The following MROH9 variants were observed in gnomAD, a reference collection of about 807,000 sequenced individuals.
The protein encoded by MROH9 is maestro heat-like repeat-containing protein family member 9.
MROH9 carries 92 observed loss-of-function variants against 98.2 expected under a neutral mutation model. The ratio of observed to expected loss-of-function variants is 0.94; its 90% CI spans 0.79 to 1.11. The LOEUF (loss-of-function observed/expected upper bound fraction) is 1.11, where lower values mean the gene tolerates loss of function less well. Among genes scored for constraint, MROH9 ranks in the 50% most tolerant of loss-of-function variants. MROH9 has a pLI of 0.00. For synonymous variants in MROH9, 397 were observed against 368.9 expected, an observed-to-expected ratio of 1.08 and a Z score of -0.87; for missense variants, 1,057 against 1,014.8, an observed-to-expected ratio of 1.04 and a Z score of -0.57.
chr1:170,942,371 A>G (rs1424593961), intron 1 of MROH9, among the ~76,000 whole-genome samples: 1 of 5,418 alleles, frequency 1.8e-4, no homozygotes, highest in African/African-American at 1.0e-3. Context: ...TAGAGTAGAC[A>G]CACACACACA....
chr1:171,055,247 A>G (rs949864129), intron 20 of MROH9, among the ~76,000 whole-genome samples: 7 of 152,230 alleles, frequency 4.6e-5, no homozygotes, highest in African/African-American at 1.4e-4. Flanking sequence ...TTCTAAGTGA[A>G]GTAACTCAAG....
At position 170,995,546 on chromosome 1, in the gene MROH9, G is replaced by A. The variant is rs899304997; in HGVS notation, c.1337+15G>A. 5 of 1,611,370 alleles carry A rather than the reference G, an allele frequency of 3.1e-6. No homozygotes were observed. The highest frequency in any genetic ancestry group is 2.5e-6 in the Non-Finnish European group (3 of 1,178,456). On this transcript the variant is annotated intron_variant, in intron 13 of 21. Transcript: ENST00000367759. Reference sequence around the variant, plus strand: ...GACAGGGCTTTGTGAGTTAAAACTGGTTATTTCAGATTAAATAAGAGATAA... The same window carrying A: ...GACAGGGCTTTGTGAGTTAAAACTGATTATTTCAGATTAAATAAGAGATAA...
intron 8 of MROH9, among the ~76,000 whole-genome samples, chr1:170,972,276 C>T (rs1003200804): frequency 6.6e-6 from 1 of 152,038 alleles, no homozygotes; most frequent in Non-Finnish European, 1.5e-5. Flanking sequence ...AAAAATAAGA[C>T]TAGGATTAAA....
rs557678984 is a variant in MROH9, at chr1:171,045,242, C to T, written c.2282-16890C>T. 2.4e-4 allele frequency among the ~76,000 whole-genome samples: 36 copies of T among 151,750 alleles called. 1 individual carries two copies. The highest frequency in any genetic ancestry group is 9.8e-4 in the Admixed American group (15 of 15,230). ...GTCTCGATCTCCTGACCTCGTGATCCGCCCGCCTCGGCCTCCCAAAGTGCT... is the reference window on the plus strand; with the variant it reads ...GTCTCGATCTCCTGACCTCGTGATCTGCCCGCCTCGGCCTCCCAAAGTGCT... On this transcript the variant is annotated intron_variant, in intron 20 of 21. Coordinates refer to ENST00000367759, the MANE Select transcript of MROH9 (RefSeq NM_001163629.2).
At chr1:171,054,045 T>C (rs1653752478) in intron 20 of MROH9, among the ~76,000 whole-genome samples, 1 of 152,178 alleles carries the variant, frequency 6.6e-6, no homozygotes, top group Non-Finnish European at 1.5e-5. Flanking sequence ...AGCAAATAAA[T>C]AATTGCATAT....
At chr1:170,983,571 T>A in intron 9 of MROH9, 37 bp downstream of exon 9, 1 of 1,189,940 alleles carries the variant, frequency 8.4e-7, no homozygotes, top group Non-Finnish European at 1.2e-6. Flanking sequence ...GGCTTTTGTT[T>A]ATGTGTATGA....
chr1:170,945,205 T>C (rs1649278454), intron 1 of MROH9, among the ~76,000 whole-genome samples: 1 of 151,930 alleles, frequency 6.6e-6, no homozygotes, highest in South Asian at 2.1e-4. Context: ...CAATTGAATT[T>C]TGCCAACAAT....
intron 20 of MROH9, among the ~76,000 whole-genome samples, chr1:171,042,319 T>A (rs1458089509): frequency 1.3e-5 from 2 of 152,122 alleles, no homozygotes; most frequent in Admixed American, 1.3e-4. Flanking sequence ...TGACTGGATC[T>A]CACTCTATTT....
chr1:170,953,035 A>C (rs1183127429), intron 3 of MROH9, among the ~76,000 whole-genome samples: 1 of 152,132 alleles, frequency 6.6e-6, no homozygotes, highest in African/African-American at 2.4e-5. Context: ...GGAACTTTGA[A>C]ATATACTTGT....
At chr1:171,032,449 A>G (rs1163860748) in intron 20 of MROH9, among the ~76,000 whole-genome samples, 1 of 151,870 alleles carries the variant, frequency 6.6e-6, no homozygotes, top group Non-Finnish European at 1.5e-5. Flanking sequence ...TGACCCTTGG[A>G]TGGGGTTTTT....
chr1:170,960,278 T>C (rs1239271442), intron 5 of MROH9, among the ~76,000 whole-genome samples: 3 of 152,222 alleles, frequency 2.0e-5, no homozygotes, highest in Non-Finnish European at 2.9e-5. Flanking sequence ...CCAACTGGAC[T>C]TCTTCCAAAT....
chr1:171,019,629 C>T (rs1275389434), intron 17 of MROH9, among the ~76,000 whole-genome samples: 2 of 150,690 alleles, frequency 1.3e-5, no homozygotes, highest in South Asian at 2.1e-4. Flanking sequence ...CCAGTCTGGG[C>T]GACAGAACGA....
intron 1 of MROH9, among the ~76,000 whole-genome samples, chr1:170,944,342 A>G (rs1182945428): frequency 6.6e-6 from 1 of 151,936 alleles, no homozygotes; most frequent in Non-Finnish European, 1.5e-5. Context: ...CACACATACA[A>G]AGTAAGGAGA....
chr1:170,964,230 G>A (rs1362000660), intron 6 of MROH9, among the ~76,000 whole-genome samples: 2 of 152,038 alleles, frequency 1.3e-5, no homozygotes, highest in African/African-American at 4.8e-5. Context: ...ATGCTAATGT[G>A]TGGAGGAGCC....
At chr1:170,997,610 A>G (rs55966412) in intron 14 of MROH9, among the ~76,000 whole-genome samples, 2,552 of 152,242 alleles carry the variant, frequency 0.017, 23 homozygotes, top group Non-Finnish European at 0.026. Flanking sequence ...ATCCTTTGCA[A>G]TTCTGCCCTT....
chr1:171,019,748 A>G (rs1652450275), intron 17 of MROH9, among the ~76,000 whole-genome samples: 1 of 152,214 alleles, frequency 6.6e-6, no homozygotes, highest in Admixed American at 6.5e-5. Flanking sequence ...AGCTAGCAGA[A>G]AACAAGAAAT....
rs1476685103 is a variant in MROH9 at position 170,961,922 on chromosome 1, G to A, written c.321G>A (p.Glu107=). ...NLYHNILNIY[E]NILTSLVSKD... is the part of the protein sequence containing the mutation. The stretch of plus-strand genomic sequence containing the variant: ...ACCACAATATTTTAAATATATATGA[G>A]AACATTCTTACGAGCTTGGTGTCTA... Residue 107 remains glutamate (E), a synonymous_variant, in exon 6 of 22, where the codon GAG becomes GAA. Transcript: ENST00000367759. 1 of 1,534,848 alleles carries A rather than the reference G, an allele frequency of 6.5e-7. No individual in the cohort carries two copies.
chr1:170,935,982 C>CAAAAAAAAAA lies in MROH9; in HGVS notation c.-38+412_-38+421dup, dbSNP rs59883013. Among the ~76,000 whole-genome samples the CAAAAAAAAAA allele has an allele frequency of 2.7e-3, 167 of 62,260 alleles. 1 individual carries two copies. The highest frequency in any genetic ancestry group is 4.5e-3 in the African/African-American group (87 of 19,212). The allele number at this position is 62,260 out of a possible 152,430, so 40.8% of individuals were successfully genotyped here. On this transcript the variant is annotated intron_variant, in intron 1 of 21. Transcript: ENST00000367759. Reference sequence around the variant, plus strand: ...ACTCCAGCCTGGCAACAGAGTGAGACAAAAAAAAAAAAAAAAAAAAAAAAA... The same window carrying CAAAAAAAAAA: ...ACTCCAGCCTGGCAACAGAGTGAGACAAAAAAAAAAAAAAAAAAAAAAAAAAAAAAAAAAA...
chr1:171,037,291 G>A (rs1477167973), intron 20 of MROH9, among the ~76,000 whole-genome samples: 1 of 150,746 alleles, frequency 6.6e-6, no homozygotes, highest in East Asian at 2.0e-4. Context: ...AAAGAAAGAA[G>A]GAAGGAAGGA....
Sources: allele counts gnomAD v4.1 joint callset (sites outside exome capture counted in the v4.1 genomes callset), GRCh38; gene constraint gnomAD v4.1.1; transcripts MANE v1.5; gene names NCBI Gene and HGNC (gene_info 2026-07-23, HGNC 2026-07-21).